AKAP14: variants seen among roughly 807,000 people sequenced by gnomAD.
AKAP14 encodes A-kinase anchoring protein 14.
AKAP14 carries 4 observed loss-of-function variants against 17.0 expected under a neutral mutation model. The ratio of observed to expected loss-of-function variants is 0.23; its 90% CI spans 0.12 to 0.54. The LOEUF is 0.54. Among genes scored for constraint, AKAP14 ranks in the 20% least tolerant of loss-of-function variants. The pLI is 0.95. For missense variants in AKAP14, 129 were observed against 150.9 expected, an observed-to-expected ratio of 0.85 and a Z score of 0.76; for synonymous variants, 42 against 51.3, an observed-to-expected ratio of 0.82 and a Z score of 0.77.
At chrX:119,911,399 C>G (rs752566580) in intron 4 of AKAP14, among the ~76,000 whole-genome samples, 1 of 108,951 alleles carries the variant, frequency 9.2e-6, no homozygotes, top group Admixed American at 9.9e-5. Flanking sequence ...GAGACTACAA[C>G]GCAGACAGTT....
intron 2 of AKAP14, among the ~76,000 whole-genome samples, chrX:119,900,298 G>A (rs1000443820): frequency 2.7e-5 from 3 of 111,715 alleles, no homozygotes; most frequent in African/African-American, 9.8e-5. Flanking sequence ...TTGCCTTGTT[G>A]GCCAGGCTGG....
At chrX:119,908,284 C>CA (rs549133343) in intron 4 of AKAP14, among the ~76,000 whole-genome samples, 13,838 of 47,202 alleles carry the variant, frequency 0.29, 1,907 homozygotes, top group African/African-American at 0.52. Context: ...GAGACTCTGT[C>CA]AAAAAAAAAA....
At chrX:119,920,397 C>T in intron 6 of AKAP14, 111 bp from the exon 7 acceptor site, 1 of 566,723 alleles carries the variant, frequency 1.8e-6, no homozygotes, top group African/African-American at 2.3e-5. Context: ...ATAAAAGAGG[C>T]TTCTTGCTTA....
At chrX:119,902,407 G>A (rs770793247) in intron 2 of AKAP14, among the ~76,000 whole-genome samples, 9 of 110,280 alleles carry the variant, frequency 8.2e-5, no homozygotes, top group Non-Finnish European at 1.7e-4. Context: ...AGACAGGTTG[G>A]GGAGTGGGGA....
At chrX:119,911,298 G>A (rs1463208828) in intron 4 of AKAP14, among the ~76,000 whole-genome samples, 2 of 107,292 alleles carry the variant, frequency 1.9e-5, no homozygotes, top group Non-Finnish European at 3.9e-5. Context: ...AGGTTGCAGC[G>A]AGCCGAGATG....
intron 2 of AKAP14, among the ~76,000 whole-genome samples, chrX:119,899,997 C>T (rs1300272501): frequency 4.5e-5 from 5 of 111,215 alleles, no homozygotes; most frequent in South Asian, 3.8e-4. Context: ...GACACAATCT[C>T]GGCTCACTGC....
intron 2 of AKAP14, among the ~76,000 whole-genome samples, chrX:119,900,794 C>T (rs762366141): frequency 1.8e-5 from 2 of 112,036 alleles, no homozygotes; most frequent in Non-Finnish European, 3.8e-5. Flanking sequence ...ACTTTGGCCT[C>T]CCGAAGTGCT....
At chrX:119,911,478 G>T (rs773192303) in intron 4 of AKAP14, among the ~76,000 whole-genome samples, 171 of 111,489 alleles carry the variant, frequency 1.5e-3, no homozygotes, top group Non-Finnish European at 2.7e-3. Context: ...TTCCACCAGT[G>T]TTCAAAGGGA....
In AKAP14 at chrX:119,903,536, G is replaced by A. The variant is rs1162600810; in HGVS notation, c.211G>A (p.Gly71Ser). The A allele has an allele frequency of 8.3e-7, 1 of 1,209,736 alleles. No homozygotes were observed. Among genetic ancestry groups the A allele is most frequent in the African/African-American group, 1.7e-5 (1 of 57,151 alleles). The change falls in exon 4 of 7, where the codon GGT (glycine) becomes AGT (serine). Residue 71 changes from glycine to serine, a missense_variant. Gly to Ser is a moderately conservative substitution (Grantham distance 56). Transcript: ENST00000371431. Reference sequence around the variant, plus strand: ...GAAAAACATCAAGTGGATGACTCACGGTGAATTCACTGTGGAAAAGGGTCT... The same window carrying A: ...GAAAAACATCAAGTGGATGACTCACAGTGAATTCACTGTGGAAAAGGGTCT... ...PLKNIKWMTH[G>S]EFTVEKGLKQ... is the part of the protein sequence containing the mutation.
intron 4 of AKAP14, among the ~76,000 whole-genome samples, chrX:119,911,147 G>A (rs1179057363): frequency 9.4e-6 from 1 of 105,989 alleles, no homozygotes; most frequent in African/African-American, 3.4e-5. Flanking sequence ...GAGGTCAGGA[G>A]TTCAAGATCA....
chrX:119,897,757 A>C (rs984414714), intron 2 of AKAP14, among the ~76,000 whole-genome samples: 2 of 111,657 alleles, frequency 1.8e-5, no homozygotes, highest in African/African-American at 6.5e-5. Flanking sequence ...CAGCTGCAGC[A>C]ACAAGGAACT....
At position 119,897,198 on chromosome X, in the gene AKAP14, T is replaced by C. The variant is rs144346889; in HGVS notation, c.-11+931T>C. On this transcript the variant is annotated intron_variant, in intron 2 of 6. Transcript: ENST00000371431. ...TTTTTGAGGTGGAGTTGCACTCTGT[T>C]GCCCAGGCTGGAGTGAAGTGGTGAG... 5.7e-3 allele frequency among the ~76,000 whole-genome samples: 618 copies of C among 108,446 alleles called. 4 individuals carry two copies. The highest frequency in any genetic ancestry group is 0.028 in the Middle Eastern group (6 of 213). The allele number at this position is 108,446 out of a possible 115,157, so 94.2% of individuals were successfully genotyped here.
At chrX:119,914,656 G>T in intron 4 of AKAP14, 43 bp from the exon 5 acceptor site, 1 of 1,153,714 alleles carries the variant, frequency 8.7e-7, no homozygotes, top group Non-Finnish European at 1.2e-6. Flanking sequence ...TGAACAGAAG[G>T]CTTTTCTTTT....
intron 2 of AKAP14, among the ~76,000 whole-genome samples, chrX:119,900,910 AAAAGAAAGGATTTAAG>A (rs1472495616): frequency 8.9e-6 from 1 of 112,343 alleles, no homozygotes; most frequent in Non-Finnish European, 1.9e-5. Context: ...CAGTAGCAAG[AAAAGAAAGGATTTAAG>A]ACTCAAGGGA....
At chrX:119,913,085 C>G (rs2056636819) in intron 4 of AKAP14, among the ~76,000 whole-genome samples, 2 of 106,440 alleles carry the variant, frequency 1.9e-5, no homozygotes, top group South Asian at 4.2e-4. Flanking sequence ...CCCAGGAGTT[C>G]AAGGCCAGCC....
At position 119,920,668 on chromosome X, in the gene AKAP14, C is replaced by A; in HGVS notation, c.*61C>A. 1.3e-6 allele frequency: 1 copy of A among 789,452 alleles called. No individual in the cohort carries two copies. Among genetic ancestry groups the A allele is most frequent in the Non-Finnish European group, 1.8e-6 (1 of 547,718 alleles). The allele number at this position is 789,452 out of a possible 1,213,427, so 65.1% of individuals were successfully genotyped here. On this transcript the variant is annotated 3_prime_UTR_variant, in exon 7 of 7. Coordinates refer to ENST00000371431, the MANE Select transcript of AKAP14 (RefSeq NM_178813.6). ...AGGATACATTAAAAATACAATACAG[C>A]ACGTCAAACCACAGAATATTTATTG...
chrX:119,905,231 C>T (rs1203844885), intron 4 of AKAP14, among the ~76,000 whole-genome samples: 2 of 112,064 alleles, frequency 1.8e-5, no homozygotes, highest in African/African-American at 6.5e-5. Context: ...AAGGCCTGGT[C>T]AGGTGTGAAG....
chrX:119,913,076 C>T (rs2056636792), intron 4 of AKAP14, among the ~76,000 whole-genome samples: 2 of 106,768 alleles, frequency 1.9e-5, no homozygotes, highest in East Asian at 3.0e-4. Flanking sequence ...TTGCTCGAGC[C>T]CAGGAGTTCA....
chrX:119,901,733 G>A (rs1439871704), intron 2 of AKAP14, among the ~76,000 whole-genome samples: 2 of 105,035 alleles, frequency 1.9e-5, no homozygotes, highest in African/African-American at 7.0e-5. Flanking sequence ...TATCTTAGCC[G>A]GCGCGCTGGC....
Sources: allele counts gnomAD v4.1 joint callset (sites outside exome capture counted in the v4.1 genomes callset), GRCh38; gene constraint gnomAD v4.1.1; transcripts MANE v1.5; gene names NCBI Gene and HGNC (gene_info 2026-07-23, HGNC 2026-07-21).